Variants in HECW2 observed in about 807,000 individuals in gnomAD.
HECW2 encodes the protein HECT, C2 and WW domain containing E3 ubiquitin protein ligase 2, also known as E3 ubiquitin-protein ligase HECW2.
Under a neutral mutation model 175.2 loss-of-function variants are expected in HECW2, and 61 were observed. The observed-to-expected ratio is 0.35, with a 90% CI of 0.28 to 0.43. The LOEUF is 0.43. Ranked by LOEUF, HECW2 falls within the 20% of genes least tolerant of loss-of-function variation. The probability of loss-of-function intolerance (pLI) is 1.00; values close to 1 mark genes in which losing one functional copy is unlikely to be tolerated. For missense variants in HECW2, 1,524 were observed against 2,000.5 expected (o/e 0.76, Z 4.54); for synonymous variants, 671 against 731.0 (o/e 0.92, Z 1.32).
intron 1 of HECW2, among the ~76,000 whole-genome samples, chr2:196,549,174 A>G (rs1355840803): frequency 1.3e-5 from 2 of 152,206 alleles, no homozygotes; most frequent in Non-Finnish European, 2.9e-5. Flanking sequence ...GGAAAATGCT[A>G]AGACATCAAT....
chr2:196,286,402 T>TATATATATATATATATATATATC (rs1391832927), intron 14 of HECW2, among the ~76,000 whole-genome samples: 1 of 117,084 alleles, frequency 8.5e-6, no homozygotes, highest in Non-Finnish European at 2.0e-5. Flanking sequence ...ATATATATAT[T>TATATATATATATATATATATATC]TAAATCCATG....
rs759244666 is a variant in HECW2 at position 196,433,280 on chromosome 2, G to A, written c.144C>T (p.Ser48=). The change falls in exon 2 of 29, where the codon AGC becomes AGT. Residue 48 remains serine, a synonymous_variant. Transcript: ENST00000644978. ...TCTCAGAAGTCACCAGGTCGGTGTC[G>A]CTGTTGGCCCGCTGCAGGGTCATGT... is the stretch of plus-strand genomic sequence containing the variant. The part of the protein sequence containing the change: ...PENMTLQRAN[S]DTDLVTSESR... 13 of 1,614,104 alleles carry A rather than the reference G, an allele frequency of 8.1e-6. No homozygotes were observed. Among genetic ancestry groups the A allele is most frequent in the South Asian group, 7.7e-5 (7 of 91,078 alleles).
intron 22 of HECW2, among the ~76,000 whole-genome samples, chr2:196,226,448 G>C (rs1370739003): frequency 1.3e-5 from 2 of 152,114 alleles, no homozygotes; most frequent in Non-Finnish European, 2.9e-5. Context: ...AGCAATGCAA[G>C]AATGGGCTAA....
chr2:196,572,125 G>A (rs1235236290), intron 1 of HECW2, among the ~76,000 whole-genome samples: 10 of 152,164 alleles, frequency 6.6e-5, no homozygotes, highest in Admixed American at 6.5e-4. Flanking sequence ...TGACTGCCAA[G>A]GACTGATGGA....
intron 26 of HECW2, chr2:196,217,813 T>A (rs1311010824): frequency 6.6e-6 from 1 of 152,198 alleles, no homozygotes; most frequent in Admixed American, 6.5e-5. Flanking sequence ...AAAACAAAAA[T>A]TAAATTCAGA....
chr2:196,543,558 G>T (rs917094735), intron 1 of HECW2, among the ~76,000 whole-genome samples: 5 of 152,010 alleles, frequency 3.3e-5, no homozygotes, highest in African/African-American at 9.7e-5. Context: ...TATGTAATCA[G>T]CCTTTGTGTG....
intron 1 of HECW2, among the ~76,000 whole-genome samples, chr2:196,511,757 G>C (rs1455768741): frequency 6.6e-6 from 1 of 152,182 alleles, no homozygotes; most frequent in African/African-American, 2.4e-5. Flanking sequence ...AGAGTCTTAA[G>C]GGGCAGGCAA....
At chr2:196,251,045 C>T (rs1240855111) in intron 19 of HECW2, among the ~76,000 whole-genome samples, 3 of 152,080 alleles carry the variant, frequency 2.0e-5, no homozygotes, top group African/African-American at 4.8e-5. Context: ...TCTTGATGCC[C>T]TATCCCCCTT....
At chr2:196,225,675 T>C in intron 23 of HECW2, 97 bp downstream of exon 23, 1 of 741,150 alleles carries the variant, frequency 1.3e-6, no homozygotes. Flanking sequence ...TTTGAGATTG[T>C]GAACAGATAA....
chr2:196,218,100 G>C (rs995715559), intron 26 of HECW2: 5 of 152,282 alleles, frequency 3.3e-5, no homozygotes, highest in African/African-American at 1.2e-4. Context: ...GTTTGGTGAA[G>C]ACTAGCAATT....
chr2:196,504,872 A>G (rs1174672664), intron 1 of HECW2, among the ~76,000 whole-genome samples: 3 of 152,162 alleles, frequency 2.0e-5, no homozygotes, highest in African/African-American at 7.2e-5. Context: ...TAATTACTGT[A>G]CACATTTTCA....
At chr2:196,403,809 C>CA in intron 2 of HECW2, among the ~76,000 whole-genome samples, 1 of 152,214 alleles carries the variant, frequency 6.6e-6, no homozygotes, top group African/African-American at 2.4e-5. Flanking sequence ...ATAATAATAA[C>CA]AAAAAAGAAC....
chr2:196,307,806 C>T (rs536732913), intron 11 of HECW2, 129 bp downstream of exon 11: 210 of 801,656 alleles, frequency 2.6e-4, no homozygotes, highest in South Asian at 5.2e-4. Context: ...GAATCAAAAG[C>T]GGTAACAGCT....
At chr2:196,497,698 C>T (rs1438964510) in intron 1 of HECW2, among the ~76,000 whole-genome samples, 1 of 152,160 alleles carries the variant, frequency 6.6e-6, no homozygotes, top group African/African-American at 2.4e-5. Flanking sequence ...ACCCCTTTTC[C>T]CCAACACCAG....
intron 2 of HECW2, among the ~76,000 whole-genome samples, chr2:196,401,403 T>C (rs1392769407): frequency 6.6e-6 from 1 of 152,230 alleles, no homozygotes; most frequent in African/African-American, 2.4e-5. Flanking sequence ...CACTTGTGCA[T>C]ATGTGTTTCT....
intron 1 of HECW2, among the ~76,000 whole-genome samples, chr2:196,587,970 C>T (rs571626991): frequency 1.2e-4 from 18 of 152,294 alleles, no homozygotes; most frequent in Non-Finnish European, 1.0e-4. Context: ...GGCCTTTGCA[C>T]TGGCCATCCT....
chr2:196,235,074 T>C (rs1688190692), intron 21 of HECW2, among the ~76,000 whole-genome samples: 1 of 151,702 alleles, frequency 6.6e-6, no homozygotes, highest in Admixed American at 6.6e-5. Context: ...AGTATTTGTA[T>C]TTATAGACTC....
intron 1 of HECW2, among the ~76,000 whole-genome samples, chr2:196,570,842 T>C (rs1050492206): frequency 4.6e-5 from 7 of 152,206 alleles, no homozygotes; most frequent in African/African-American, 1.4e-4. Context: ...CAGTAGAAGC[T>C]TTCCCTTTAG....
At position 196,531,198 on chromosome 2, in the gene HECW2, A is replaced by C. The variant is rs534444627; in HGVS notation, c.-36+62310T>G. ...AGATAAAAAGAGCCCAAGTTCCAGAATGACCTTTAAGAGGAGAGCTGCCTA... is the reference window on the plus strand; with the variant it reads ...AGATAAAAAGAGCCCAAGTTCCAGACTGACCTTTAAGAGGAGAGCTGCCTA... On this transcript the variant is annotated intron_variant, in intron 1 of 28. Transcript: ENST00000644978. Among the ~76,000 whole-genome samples the C allele has an allele frequency of 5.9e-5, 9 of 152,320 alleles. No homozygotes were observed. The East Asian group carries it at 1.7e-3, about 29-fold the overall frequency.
Sources: gnomAD v4.1 joint callset for allele counts (sites outside exome capture counted in the v4.1 genomes callset) on GRCh38, gnomAD v4.1.1 for gene constraint, MANE v1.5 for transcripts, NCBI Gene and HGNC (gene_info 2026-07-23, HGNC 2026-07-21) for gene names.